ECHDC2: variants seen among roughly 807,000 people sequenced by gnomAD.
ECHDC2 encodes enoyl-CoA hydratase domain-containing protein 2, mitochondrial.
In ECHDC2, 34 loss-of-function variants were observed where a neutral mutation model predicts 40.6. The observed-to-expected ratio is 0.84, with a 90% CI of 0.64 to 1.11. The LOEUF (loss-of-function observed/expected upper bound fraction) is 1.11, where lower values mean the gene tolerates loss of function less well. ECHDC2 is among the 50% of genes most tolerant of loss of function. ECHDC2 has a pLI of 0.00. For synonymous variants in ECHDC2, 162 were observed against 166.6 expected (o/e 0.97, Z 0.21); for missense variants, 392 against 400.7 (o/e 0.98, Z 0.19).
At chr1:52,917,355 T>C (rs1270967331) in intron 1 of ECHDC2, among the ~76,000 whole-genome samples, 2 of 152,170 alleles carry the variant, frequency 1.3e-5, no homozygotes, top group Admixed American at 1.3e-4. Flanking sequence ...TGGACCCAGC[T>C]GGCAATCCTG....
At position 52,911,639 on chromosome 1, in the gene ECHDC2, C is replaced by T. The variant is rs1557506940; in HGVS notation, c.204G>A (p.Leu68=). Residue 68 remains leucine, a synonymous_variant, in exon 3 of 10, where the codon CTG becomes CTA. Coordinates refer to ENST00000371522, the MANE Select transcript of ECHDC2 (RefSeq NM_001198961.2). Reference sequence around the variant, plus strand: ...CTTGCCGGTCCTCCCGCAGCTGGGCCAGAGTTTCCAGCAGCTACAGAGGAC... The same window carrying T: ...CTTGCCGGTCCTCCCGCAGCTGGGCTAGAGTTTCCAGCAGCTACAGAGGAC... ...NVFVSELLET[L]AQLREDRQVR... The T allele has an allele frequency of 6.2e-7, 1 of 1,614,182 alleles. No individual in the cohort carries two copies. The highest frequency in any genetic ancestry group is 1.1e-5 in the South Asian group (1 of 91,086).
Position 52,899,157 on chromosome 1 carries a change from A to G in ECHDC2, c.753+17T>C. ...CCAACTTTAGTGGACCCAAGTCCCA[A>G]CCCAAAACCCTCTCACCTCCGTTCC... On this transcript the variant is annotated intron_variant, in intron 8 of 9. Transcript: ENST00000371522. 6.2e-7 allele frequency: 1 copy of G among 1,614,122 alleles called. No individual in the cohort carries two copies.
rs1319199094 is a variant in ECHDC2, at chr1:52,921,564, C to T, written c.110G>A (p.Gly37Asp). ...AACTGCACATTTACCTTGGTCCGGA[C>T]CCGCCAGGGCGCGCACTTGGATCTC... is the stretch of plus-strand genomic sequence containing the variant. Reference protein sequence around the residue: ...GSEIQVRALAGPDQGITEILM... With the variant: ...GSEIQVRALADPDQGITEILM... The change falls in exon 1 of 10, where the codon GGT becomes GAT. Residue 37 changes from glycine to aspartate, a missense_variant. Physicochemically the swap from Gly to Asp is moderately conservative, Grantham distance 94. Coordinates refer to ENST00000371522, the MANE Select transcript of ECHDC2 (RefSeq NM_001198961.2). 1.9e-6 allele frequency: 3 copies of T among 1,609,672 alleles called. No individual in the cohort carries two copies. The highest frequency in any genetic ancestry group is 1.1e-5 in the South Asian group (1 of 90,386).
chr1:52,912,421 T>C (rs909082572), intron 1 of ECHDC2, among the ~76,000 whole-genome samples: 5 of 152,110 alleles, frequency 3.3e-5, no homozygotes, highest in African/African-American at 9.7e-5. Context: ...TTGCCCAGCC[T>C]GGTCTCAAAC....
Position 52,904,751 on chromosome 1 carries a change from A to G in ECHDC2, c.597T>C (p.Thr199=), listed in dbSNP as rs200986349. ...LIFTGRRLSG[T]EAHVLGLVNH... ...TCACCAGCCCCAGTACGTGGGCCTC[A>G]GTTCCACTCAGTCGTCGGCCCGTGA... The change falls in exon 7 of 10, where the codon ACT becomes ACC. Residue 199 remains threonine (T), a synonymous_variant. Transcript: ENST00000371522. The G allele has an allele frequency of 1.2e-6, 2 of 1,613,000 alleles. No individual in the cohort carries two copies. The highest frequency in any genetic ancestry group is 2.2e-5 in the East Asian group (1 of 44,870).
intron 1 of ECHDC2, among the ~76,000 whole-genome samples, chr1:52,919,100 C>G (rs545237342): frequency 6.6e-6 from 1 of 152,222 alleles, no homozygotes; most frequent in South Asian, 2.1e-4. Flanking sequence ...GCCTGATGAT[C>G]TGAGGTGGAA....
rs1228558446 is a variant in ECHDC2, at chr1:52,904,635, T to A, written c.702+11A>T. The A allele has an allele frequency of 6.4e-7, 1 of 1,571,610 alleles. No individual in the cohort carries two copies. Among genetic ancestry groups the A allele is most frequent in the East Asian group, 2.3e-5 (1 of 44,308 alleles). ...TCCAGCCCTCCTTCTGGTGCCGAGC[T>A]GTCACCACACCTGGGGCAGGATCTC... On this transcript the variant is annotated intron_variant, in intron 7 of 9. Coordinates refer to ENST00000371522, the MANE Select transcript of ECHDC2 (RefSeq NM_001198961.2).
At chr1:52,902,381 T>C (rs1647044845) in intron 7 of ECHDC2, among the ~76,000 whole-genome samples, 1 of 152,154 alleles carries the variant, frequency 6.6e-6, no homozygotes, top group Non-Finnish European at 1.5e-5. Context: ...GGTCTCAAAC[T>C]CCTGGCATCA....
intron 5 of ECHDC2, 36 bp from the exon 6 acceptor site, chr1:52,905,126 C>T (rs550992137): frequency 1.9e-6 from 3 of 1,610,682 alleles, no homozygotes; most frequent in Middle Eastern, 3.7e-4. Context: ...CTCCCTCCCC[C>T]ATCCGGTCCC....
intron 3 of ECHDC2, among the ~76,000 whole-genome samples, chr1:52,910,358 T>G (rs1251007004): frequency 1.3e-4 from 11 of 83,314 alleles, no homozygotes; most frequent in African/African-American, 4.9e-4. Flanking sequence ...TTTCGTTTTT[T>G]TTTTTTTTTT....
chr1:52,904,977 A>G, intron 6 of ECHDC2, 57 bp downstream of exon 6: 2 of 1,611,552 alleles, frequency 1.2e-6, no homozygotes, highest in Non-Finnish European at 1.7e-6. Context: ...CAAAAAAGGA[A>G]AGCAGCGAAG....
intron 3 of ECHDC2, among the ~76,000 whole-genome samples, chr1:52,908,294 G>A (rs1648473536): frequency 6.6e-6 from 1 of 152,094 alleles, no homozygotes; most frequent in Non-Finnish European, 1.5e-5. Context: ...TGCATCACCT[G>A]AGGTCAGTAG....
Position 52,897,451 on chromosome 1 carries a change from T to A in ECHDC2, c.787A>T (p.Met263Leu). The stretch of plus-strand genomic sequence containing the variant: ...TTGCTACATACCTGGGCATAGCACA[T>A]CCCTTCAATGGCCATCCCAGATGCA... ...DIASGMAIEGMCYAQNIPTRD... is the reference protein window; with the variant it reads ...DIASGMAIEGLCYAQNIPTRD... Residue 263 changes from methionine to leucine, a missense_variant, in exon 9 of 10, where the codon ATG (methionine) becomes TTG (leucine). Coordinates refer to ENST00000371522, the MANE Select transcript of ECHDC2 (RefSeq NM_001198961.2). 1 of 1,614,140 alleles carries A rather than the reference T, an allele frequency of 6.2e-7. No individual in the cohort carries two copies. The highest frequency in any genetic ancestry group is 1.1e-5 in the South Asian group (1 of 91,076).
intron 3 of ECHDC2, among the ~76,000 whole-genome samples, chr1:52,909,989 C>T (rs1648993438): frequency 2.6e-5 from 4 of 152,068 alleles, no homozygotes; most frequent in South Asian, 4.1e-4. Flanking sequence ...TAGAATGTTA[C>T]TCCATAAAAA....
chr1:52,908,725 C>T (rs968625528), intron 3 of ECHDC2, among the ~76,000 whole-genome samples: 3 of 151,700 alleles, frequency 2.0e-5, no homozygotes, highest in African/African-American at 7.3e-5. Context: ...CCTGAGGTCA[C>T]GAGTTCAAGA....
intron 5 of ECHDC2, chr1:52,906,233 T>C: frequency 2.1e-6 from 1 of 470,344 alleles, no homozygotes; most frequent in Non-Finnish European, 4.1e-6. Context: ...TGGACATTGC[T>C]CTTTGACCTC....
At chr1:52,904,979 G>A in intron 6 of ECHDC2, 55 bp downstream of exon 6, 1 of 1,611,020 alleles carries the variant, frequency 6.2e-7, no homozygotes, top group South Asian at 1.1e-5. Context: ...AAAAAGGAAA[G>A]CAGCGAAGGA....
chr1:52,900,723 A>C (rs1646936150), intron 7 of ECHDC2: 1 of 152,204 alleles, frequency 6.6e-6, no homozygotes, highest in Non-Finnish European at 1.5e-5. Context: ...TGGGACTTCC[A>C]CTTTTAAAAC....
intron 1 of ECHDC2, chr1:52,915,393 G>T: frequency 2.2e-6 from 1 of 454,970 alleles, no homozygotes; most frequent in Admixed American, 2.4e-5. Context: ...GGGACAGGGT[G>T]TTCAGCCAGG....
Sources: gnomAD v4.1 joint callset for allele counts (sites outside exome capture counted in the v4.1 genomes callset) on GRCh38, gnomAD v4.1.1 for gene constraint, MANE v1.5 for transcripts, NCBI Gene and HGNC (gene_info 2026-07-23, HGNC 2026-07-21) for gene names.